The following CSMD1 variants were observed in gnomAD, a reference collection of about 807,000 sequenced individuals.
CSMD1 encodes CUB and sushi domain-containing protein 1.
A neutral mutation model predicts 417.5 loss-of-function variants in CSMD1; 213 were observed. The ratio of observed to expected loss-of-function variants is 0.51; its 90% CI spans 0.46 to 0.57. The LOEUF (loss-of-function observed/expected upper bound fraction) is 0.57. Ranked by LOEUF, CSMD1 falls within the 20% of genes least tolerant of loss-of-function variation. The pLI, the probability that CSMD1 is intolerant of heterozygous loss-of-function variation, is 0.00. For missense variants in CSMD1, 6,923 were observed against 4,529.7 expected, an observed-to-expected ratio of 1.53 and a Z score of -15.17; for synonymous variants, 2,862 against 1,736.8, an observed-to-expected ratio of 1.65 and a Z score of -16.11.
intron 5 of CSMD1, among the ~76,000 whole-genome samples, chr8:3,759,505 T>C (rs1486261291): frequency 6.6e-6 from 1 of 152,154 alleles, no homozygotes; most frequent in Non-Finnish European, 1.5e-5. Context: ...TTTGGTTTTC[T>C]AATAAACAAA....
chr8:4,991,456 C>T (rs1277526307), intron 1 of CSMD1, among the ~76,000 whole-genome samples: 2 of 152,240 alleles, frequency 1.3e-5, no homozygotes, highest in Non-Finnish European at 2.9e-5. Flanking sequence ...GCGACCGCCT[C>T]CAGCCTCACG....
chr8:3,279,249 G>A (rs947223735), intron 26 of CSMD1: 1 of 152,236 alleles, frequency 6.6e-6, no homozygotes, highest in Non-Finnish European at 1.5e-5. Context: ...ATAATGACTA[G>A]TGGAGAGGCA....
intron 1 of CSMD1, among the ~76,000 whole-genome samples, chr8:4,716,641 C>T (rs1808678209): frequency 6.6e-6 from 1 of 152,078 alleles, no homozygotes; most frequent in Non-Finnish European, 1.5e-5. Context: ...GAATTCCTGG[C>T]CTATTCAGCA....
intron 26 of CSMD1, among the ~76,000 whole-genome samples, chr8:3,259,593 T>TTC (rs1563196589): frequency 3.3e-5 from 5 of 151,548 alleles, no homozygotes; most frequent in Non-Finnish European, 5.9e-5. Context: ...AAACATGATG[T>TTC]GTCTTTTCTC....
chr8:4,899,051 A>G (rs1481328408), intron 1 of CSMD1, among the ~76,000 whole-genome samples: 1 of 152,190 alleles, frequency 6.6e-6, no homozygotes, highest in African/African-American at 2.4e-5. Context: ...GGACAGCTTG[A>G]TCATTTAAAA....
intron 2 of CSMD1, among the ~76,000 whole-genome samples, chr8:4,556,701 G>A (rs903132020): frequency 4.6e-5 from 7 of 152,194 alleles, no homozygotes; most frequent in Admixed American, 6.5e-5. Flanking sequence ...TTTAATTAGC[G>A]GAAACACATT....
intron 12 of CSMD1, among the ~76,000 whole-genome samples, chr8:3,453,039 G>A (rs1439425610): frequency 6.6e-6 from 1 of 152,182 alleles, no homozygotes; most frequent in African/African-American, 2.4e-5. Context: ...TCCTGGTTTA[G>A]TCTTGGGAGA....
intron 23 of CSMD1, among the ~76,000 whole-genome samples, chr8:3,332,689 G>A (rs965322617): frequency 2.2e-4 from 34 of 152,146 alleles, no homozygotes; most frequent in African/African-American, 6.3e-4. Flanking sequence ...GTGTGCGTGC[G>A]CACACACACA....
rs560173087 is a variant in CSMD1, at chr8:4,095,425, C to G, written c.416-63326G>C. 2.6e-5 allele frequency among the ~76,000 whole-genome samples: 4 copies of G among 152,222 alleles called. No individual in the cohort carries two copies. The East Asian group carries it at 7.7e-4, about 29-fold the overall frequency. ...AGAAAAAAAAATGACAATAGTGCAG[C>G]TAGTGATTGTAGTTCTTTCTTGCAA... is the stretch of plus-strand genomic sequence containing the variant. On this transcript the variant is annotated intron_variant, in intron 3 of 69. Transcript: ENST00000635120.
chr8:3,026,837 A>T (rs1376403792), intron 51 of CSMD1, among the ~76,000 whole-genome samples: 2 of 152,206 alleles, frequency 1.3e-5, no homozygotes, highest in African/African-American at 4.8e-5. Context: ...AACCCCTGAG[A>T]ACAGTTGCCT....
intron 1 of CSMD1, among the ~76,000 whole-genome samples, chr8:4,816,729 A>G (rs772282176): frequency 7.9e-5 from 12 of 152,186 alleles, no homozygotes; most frequent in Non-Finnish European, 1.3e-4. Context: ...GCAAAAATCA[A>G]TCAACTAGGA....
At chr8:3,646,019 A>C (rs890953733) in intron 7 of CSMD1, among the ~76,000 whole-genome samples, 3 of 151,734 alleles carry the variant, frequency 2.0e-5, no homozygotes, top group Non-Finnish European at 2.9e-5. Flanking sequence ...TATAGCATTA[A>C]CAAAAACTAG....
intron 1 of CSMD1, among the ~76,000 whole-genome samples, chr8:4,747,764 T>C (rs1409967649): frequency 1.3e-5 from 2 of 152,170 alleles, no homozygotes; most frequent in Non-Finnish European, 1.5e-5. Context: ...TCGAATACTG[T>C]GTAAAGCCTG....
At chr8:3,410,206 G>C (rs762158722) in intron 12 of CSMD1, among the ~76,000 whole-genome samples, 6 of 152,078 alleles carry the variant, frequency 3.9e-5, no homozygotes, top group Non-Finnish European at 8.8e-5. Flanking sequence ...ATGTTGATCT[G>C]TCTCAAATGT....
chr8:3,438,839 G>A (rs1814746095), intron 12 of CSMD1, among the ~76,000 whole-genome samples: 1 of 151,972 alleles, frequency 6.6e-6, no homozygotes, highest in South Asian at 2.1e-4. Context: ...TTGCTGGCCA[G>A]GTGTGGTGGC....
At chr8:3,243,233 G>A (rs1799658920) in intron 26 of CSMD1, among the ~76,000 whole-genome samples, 1 of 152,116 alleles carries the variant, frequency 6.6e-6, no homozygotes, top group African/African-American at 2.4e-5. Flanking sequence ...GTGGTGGTAG[G>A]TGGATCTTTT....
At chr8:4,925,537 C>CTTTTTTTTTTTTTTTT (rs113682113) in intron 1 of CSMD1, among the ~76,000 whole-genome samples, 1 of 145,910 alleles carries the variant, frequency 6.9e-6, no homozygotes, top group African/African-American at 2.5e-5. Context: ...CTGGCATTTT[C>CTTTTTTTTTTTTTTTT]TTTTTTTTTT....
intron 3 of CSMD1, among the ~76,000 whole-genome samples, chr8:4,128,026 A>C (rs1038778879): frequency 6.6e-6 from 1 of 152,148 alleles, no homozygotes; most frequent in African/African-American, 2.4e-5. Context: ...ACCACATTTT[A>C]TATTCTTCAG....
At chr8:3,023,746 C>G (rs1178239032) in intron 51 of CSMD1, among the ~76,000 whole-genome samples, 1 of 150,672 alleles carries the variant, frequency 6.6e-6, no homozygotes, top group Admixed American at 6.6e-5. Flanking sequence ...CCTAGACAAG[C>G]AGAAAGGGAA....
Sources: allele counts gnomAD v4.1 joint callset (sites outside exome capture counted in the v4.1 genomes callset), GRCh38; gene constraint gnomAD v4.1.1; transcripts MANE v1.5; gene names NCBI Gene and HGNC (gene_info 2026-07-23, HGNC 2026-07-21).